RFTN1: variants seen among roughly 807,000 people sequenced by gnomAD.
The protein encoded by RFTN1 is raftlin, lipid raft linker 1.
RFTN1 carries 26 observed loss-of-function variants against 46.5 expected under a neutral mutation model. That is an observed-to-expected ratio of 0.56 (90% CI 0.41 to 0.78). The LOEUF (loss-of-function observed/expected upper bound fraction) is 0.78, where lower values mean the gene tolerates loss of function less well. RFTN1 is among the 30% of genes least tolerant of loss of function. The pLI is 0.00. For missense variants in RFTN1, 693 were observed against 718.7 expected (o/e 0.96, Z 0.41); for synonymous variants, 261 against 284.2 (o/e 0.92, Z 0.82).
chr3:16,333,584 T>C (rs752751488), intron 7 of RFTN1, among the ~76,000 whole-genome samples: 12 of 152,212 alleles, frequency 7.9e-5, no homozygotes, highest in Non-Finnish European at 1.5e-4. Flanking sequence ...TTTTAATGTT[T>C]AAAGTGAACA....
chr3:16,485,746 T>C (rs1001134122), intron 2 of RFTN1, among the ~76,000 whole-genome samples: 5 of 152,240 alleles, frequency 3.3e-5, no homozygotes, highest in Non-Finnish European at 5.9e-5. Flanking sequence ...AGGCACTTCA[T>C]ATGGGTGTGT....
In RFTN1 at chr3:16,383,275, A is replaced by C. The variant is rs1207262043; in HGVS notation, c.442-5173T>G. 6.6e-6 allele frequency among the ~76,000 whole-genome samples: 1 copy of C among 151,946 alleles called. No individual in the cohort carries two copies. The highest frequency in any genetic ancestry group is 1.5e-5 in the Non-Finnish European group (1 of 67,970). On this transcript the variant is annotated intron_variant, in intron 4 of 9. Coordinates refer to ENST00000334133, the MANE Select transcript of RFTN1 (RefSeq NM_015150.2). This position sits in a 1 kb window ranked among gnomAD's most constrained non-coding sequence, Gnocchi z 4.0. Reference sequence around the variant, plus strand: ...TTTAAACTGATATACACCCTCACCCACCTTATTCTCATTTCTGCTGCCTGT... The same window carrying C: ...TTTAAACTGATATACACCCTCACCCCCCTTATTCTCATTTCTGCTGCCTGT...
At chr3:16,434,092 C>G in intron 2 of RFTN1, 55 bp from the exon 3 acceptor site, 5 of 1,424,600 alleles carry the variant, frequency 3.5e-6, no homozygotes, top group Non-Finnish European at 4.7e-6. Flanking sequence ...CCCACTCAGC[C>G]CTGCCCAAAC....
At chr3:16,420,507 A>T (rs2075164052) in intron 3 of RFTN1, among the ~76,000 whole-genome samples, 1 of 152,236 alleles carries the variant, frequency 6.6e-6, no homozygotes, top group Non-Finnish European at 1.5e-5. Context: ...CAGTTAGGTT[A>T]CAAGAAGCCT....
chr3:16,397,414 A>G (rs547377235), intron 4 of RFTN1, among the ~76,000 whole-genome samples: 104 of 152,316 alleles, frequency 6.8e-4, no homozygotes, highest in African/African-American at 2.3e-3. Context: ...AAGTCTGGAG[A>G]TCTAATGCAC....
In RFTN1 at chr3:16,342,583, C is replaced by G. The variant is rs1314926825; in HGVS notation, c.1146+15349G>C. Among the ~76,000 whole-genome samples the G allele has an allele frequency of 6.6e-6, 1 of 152,138 alleles. No homozygotes were observed. Among genetic ancestry groups the G allele is most frequent in the Non-Finnish European group, 1.5e-5 (1 of 68,026 alleles). On this transcript the variant is annotated intron_variant, in intron 7 of 9. Transcript: ENST00000334133. This position sits in a 1 kb window ranked among gnomAD's most constrained non-coding sequence, Gnocchi z 4.0. ...TGGGTCATATGGTAACTATGTTTAA[C>G]ATTTTGGGAAAGTGTCCATGGATCA...
Position 16,345,817 on chromosome 3 carries a change from TGCGCGCGCGCGTGCGCGCAC to T in RFTN1, c.1146+12095_1146+12114del, listed in dbSNP as rs2071650937. ...GTGTGTGTGTGTGTGTGTGTGTGTG[TGCGCGCGCGCGTGCGCGCAC>T]GCGCACATGTGCATGTGTATGTGTA... On this transcript the variant is annotated intron_variant, in intron 7 of 9. Coordinates refer to ENST00000334133, the MANE Select transcript of RFTN1 (RefSeq NM_015150.2). This position sits in a 1 kb window ranked among gnomAD's most constrained non-coding sequence, Gnocchi z 5.2. 4.0e-5 allele frequency among the ~76,000 whole-genome samples: 3 copies of T among 74,540 alleles called. No individual in the cohort carries two copies. Among genetic ancestry groups the T allele is most frequent in the African/African-American group, 1.1e-4 (2 of 18,090 alleles). 48.9% of individuals were successfully genotyped at this position (74,540 alleles called of 152,430 possible).
intron 2 of RFTN1, among the ~76,000 whole-genome samples, chr3:16,437,680 A>T (rs2075543036): frequency 6.6e-6 from 1 of 151,750 alleles, no homozygotes; most frequent in Non-Finnish European, 1.5e-5. Flanking sequence ...AATAAATAAA[A>T]GATAGGATCG....
chr3:16,319,131 C>A (rs746695912), intron 9 of RFTN1, among the ~76,000 whole-genome samples: 7 of 152,158 alleles, frequency 4.6e-5, no homozygotes, highest in Admixed American at 4.6e-4. Flanking sequence ...GTAAGAGTCT[C>A]TCCTTTTTTT....
At position 16,400,177 on chromosome 3, in the gene RFTN1, T is replaced by C. The variant is rs1559323784; in HGVS notation, c.441+9198A>G. On this transcript the variant is annotated intron_variant, in intron 4 of 9. Transcript: ENST00000334133. This position sits in a 1 kb window ranked among gnomAD's most constrained non-coding sequence, Gnocchi z 4.5. ...GGCTGTATGGGGACCCGACTCACTC[T>C]CCAGCCTCACTCCACCTCACTCACC... is the stretch of plus-strand genomic sequence containing the variant. Among the ~76,000 whole-genome samples the C allele has an allele frequency of 1.3e-5, 2 of 152,138 alleles. No individual in the cohort carries two copies. The highest frequency in any genetic ancestry group is 4.8e-5 in the African/African-American group (2 of 41,426).
rs541019966 is a variant in RFTN1, at chr3:16,404,596, G to A, written c.441+4779C>T. Among the ~76,000 whole-genome samples the A allele has an allele frequency of 5.3e-5, 8 of 150,706 alleles. No homozygotes were observed. The South Asian group carries it at 1.7e-3, about 32-fold the overall frequency. ...ACAGCCTTCCTTCTCTTTTGTCCAA[G>A]CTACACTCAAGTCAAACAGGACTTG... On this transcript the variant is annotated intron_variant, in intron 4 of 9. Transcript: ENST00000334133.
intron 8 of RFTN1, 143 bp downstream of exon 8, chr3:16,326,630 C>T: frequency 3.1e-6 from 2 of 639,828 alleles, no homozygotes; most frequent in Non-Finnish European, 5.3e-6. Flanking sequence ...TCTGGCTCTG[C>T]TGCTTCCCAG....
At chr3:16,375,262 G>C (rs1368415588) in intron 5 of RFTN1, among the ~76,000 whole-genome samples, 1 of 152,090 alleles carries the variant, frequency 6.6e-6, no homozygotes, top group African/African-American at 2.4e-5. Context: ...CTAGGAGAAA[G>C]ATTAGGAGAG....
chr3:16,335,871 A>G lies in RFTN1; in HGVS notation c.1147-8995T>C, dbSNP rs937911747. ...CTGGAAACTGGATGGATGGATGGTGAGGTCTCAGGAGGCCACAGGCAGGAC... is the reference window on the plus strand; with the variant it reads ...CTGGAAACTGGATGGATGGATGGTGGGGTCTCAGGAGGCCACAGGCAGGAC... On this transcript the variant is annotated intron_variant, in intron 7 of 9. Coordinates refer to ENST00000334133, the MANE Select transcript of RFTN1 (RefSeq NM_015150.2). The surrounding 1 kb of genome is among the most constrained non-coding windows in gnomAD (Gnocchi z 4.7). Among the ~76,000 whole-genome samples, 24 of 151,704 alleles carry G rather than the reference A, an allele frequency of 1.6e-4. No individual in the cohort carries two copies. Among genetic ancestry groups the G allele is most frequent in the African/African-American group, 5.8e-4 (24 of 41,216 alleles).
intron 2 of RFTN1, among the ~76,000 whole-genome samples, chr3:16,439,004 A>G (rs1203330261): frequency 6.6e-6 from 1 of 152,234 alleles, no homozygotes; most frequent in Non-Finnish European, 1.5e-5. Flanking sequence ...TTAAATTTTT[A>G]TCTTAAAATC....
At position 16,358,045 on chromosome 3, in the gene RFTN1, A is replaced by T. The variant is rs771276133; in HGVS notation, c.1033T>A (p.Ser345Thr). ...AVFYLGIVNDSLHGLTDGVFI... is the reference protein window; with the variant it reads ...AVFYLGIVNDTLHGLTDGVFI... ...ACTCCATCTGTCAAGCCATGTAAGG[A>T]ATCTGTGGAAAAAGAAAAAGGCGGG... Residue 345 changes from serine to threonine, a missense_variant and splice_region_variant, in exon 7 of 10, where the codon TCC (serine) becomes ACC (threonine). Coordinates refer to ENST00000334133, the MANE Select transcript of RFTN1 (RefSeq NM_015150.2). 1.3e-5 allele frequency: 20 copies of T among 1,538,628 alleles called. No individual in the cohort carries two copies. In the Middle Eastern group the frequency reaches 1.0e-3, roughly 78 times the overall value.
In RFTN1 at chr3:16,460,686, T is replaced by C. The variant is rs987669538; in HGVS notation, c.146-26649A>G. Reference sequence around the variant, plus strand: ...GTAAGAGGCCTGTTATACAGATAACTAACGCAAGAGACACGTGAGCAGACG... The same window carrying C: ...GTAAGAGGCCTGTTATACAGATAACCAACGCAAGAGACACGTGAGCAGACG... On this transcript the variant is annotated intron_variant, in intron 2 of 9. Transcript: ENST00000334133. This position sits in a 1 kb window ranked among gnomAD's most constrained non-coding sequence, Gnocchi z 4.8. Among the ~76,000 whole-genome samples, 3 of 152,178 alleles carry C rather than the reference T, an allele frequency of 2.0e-5. No individual in the cohort carries two copies. Among genetic ancestry groups the C allele is most frequent in the Non-Finnish European group, 4.4e-5 (3 of 68,038 alleles).
Position 16,513,339 on chromosome 3 carries a change from G to T in RFTN1, c.-9+103C>A, listed in dbSNP as rs1298281201. On this transcript the variant is annotated intron_variant, in intron 1 of 9. Transcript: ENST00000334133. This position sits in a 1 kb window ranked among gnomAD's most constrained non-coding sequence, Gnocchi z 5.4. ...AGAGCAACCTGCAGGGAGGCGCCAC[G>T]CGCGGTTCCCACTACCCGCCAGAGA... is the stretch of plus-strand genomic sequence containing the variant. 6.5e-6 allele frequency: 1 copy of T among 152,684 alleles called. No homozygotes were observed. Among genetic ancestry groups the T allele is most frequent in the Admixed American group, 6.5e-5 (1 of 15,294 alleles). The allele number at this position is 152,684 out of a possible 1,614,324, so 9.5% of individuals were successfully genotyped here. A position where few individuals can be genotyped will look rare whatever the true frequency, so the allele number is the denominator to read the frequency against.
At chr3:16,439,718 C>T (rs1189834309) in intron 2 of RFTN1, among the ~76,000 whole-genome samples, 3 of 152,204 alleles carry the variant, frequency 2.0e-5, no homozygotes, top group African/African-American at 7.2e-5. Context: ...AAGATACCCA[C>T]TGCCAGTGGG....
Sources: allele counts gnomAD v4.1 joint callset (sites outside exome capture counted in the v4.1 genomes callset), GRCh38; gene constraint gnomAD v4.1.1; non-coding constraint Gnocchi (gnomAD v3.1); transcripts MANE v1.5; gene names NCBI Gene and HGNC (gene_info 2026-07-23, HGNC 2026-07-21).